Variants in ACE observed in about 807,000 individuals in gnomAD.
ACE encodes angiotensin-converting enzyme.
Under a neutral mutation model 162.3 loss-of-function variants are expected in ACE, and 122 were observed. That is an observed-to-expected ratio of 0.75 (90% CI 0.65 to 0.87). ACE has a LOEUF of 0.87. Among genes scored for constraint, ACE ranks in the 40% least tolerant of loss-of-function variants. ACE has a pLI of 0.00. For missense variants in ACE, 1,799 were observed against 1,735.1 expected (o/e 1.04, Z -0.65); for synonymous variants, 796 against 720.6 (o/e 1.10, Z -1.68).
In ACE at chr17:63,481,587, TTCCGGG is replaced by T; in HGVS notation, c.969_974del (p.Phe323_Val325delinsLeu). ...CCAGGGCTGGAACGCCACGCACATG[TTCCGGG>T]TGGCAGAGGAGTTCTTCACCTCCCT... On this transcript the variant is annotated inframe_deletion, in exon 7 of 25. Transcript: ENST00000290866. The T allele has an allele frequency of 6.2e-7, 1 of 1,613,918 alleles. No individual in the cohort carries two copies. Among genetic ancestry groups the T allele is most frequent in the Non-Finnish European group, 8.5e-7 (1 of 1,180,010 alleles).
In ACE at chr17:63,488,741, A is replaced by G. The variant is rs2030162732; in HGVS notation, c.2399A>G (p.Gln800Arg). ...WRDKAGRAIL[Q>R]FYPKYVELIN... ...GACAAGGCGGGGAGAGCCATCCTCC[A>G]GTTTTACCCGAAATACGTGGAACTC... is the stretch of plus-strand genomic sequence containing the variant. Residue 800 changes from glutamine to arginine, a missense_variant, in exon 16 of 25, where the codon CAG (glutamine) becomes CGG (arginine). Physicochemically the swap from Gln to Arg is conservative, Grantham distance 43. Transcript: ENST00000290866. 2 of 1,613,712 alleles carry G rather than the reference A, an allele frequency of 1.2e-6. No homozygotes were observed. Among genetic ancestry groups the G allele is most frequent in the East Asian group, 4.5e-5 (2 of 44,806 alleles).
chr17:63,484,236 G>T lies in ACE; in HGVS notation c.1710-94G>T, dbSNP rs866328001. The T allele has an allele frequency of 7.7e-5, 108 of 1,406,914 alleles. No homozygotes were observed. The African/African-American group carries it at 1.2e-3, about 16-fold the overall frequency. The allele number at this position is 1,406,914 out of a possible 1,614,324, so 87.2% of individuals were successfully genotyped here. On this transcript the variant is annotated intron_variant, in intron 11 of 24. Coordinates refer to ENST00000290866, the MANE Select transcript of ACE (RefSeq NM_000789.4). This position sits in a 1 kb window ranked among gnomAD's most constrained non-coding sequence, Gnocchi z 4.0. ...TTGCCACAGTTTCTGCAGTCCATTG[G>T]GGGGCGGAAGTGGCCAGGGGCATGT... is the stretch of plus-strand genomic sequence containing the variant.
intron 22 of ACE, chr17:63,496,184 C>A: frequency 1.5e-6 from 1 of 660,840 alleles, no homozygotes; most frequent in Non-Finnish European, 2.6e-6. Flanking sequence ...GGCATCTACA[C>A]AGGCACGGCT....
Position 63,477,132 on chromosome 17 carries a change from TGCTGCCGCTGCC to T in ACE, c.44_55del (p.Pro15_Leu18del). 7.0e-7 allele frequency: 1 copy of T among 1,420,296 alleles called. No homozygotes were observed. Among genetic ancestry groups the T allele is most frequent in the African/African-American group, 1.5e-5 (1 of 66,888 alleles). The allele number at this position is 1,420,296 out of a possible 1,614,324, so 88.0% of individuals were successfully genotyped here. On this transcript the variant is annotated inframe_deletion, in exon 1 of 25. Transcript: ENST00000290866. ...TCGGGCCGCCGGGGGCCGGGGCTGC[TGCTGCCGCTGCC>T]GCTGCTGTTGCTGCTGCCGCCGCAG...
intron 17 of ACE, chr17:63,490,011 C>T (rs2030263729): frequency 6.6e-6 from 1 of 152,420 alleles, no homozygotes; most frequent in Admixed American, 6.5e-5. Context: ...GGCCTTAGAA[C>T]TCAGCCCCTG....
chr17:63,483,567 G>GCGGGGGCGCCCCCCC lies in ACE; in HGVS notation c.1586+10_1586+11insGGGGGCGCCCCCCCC. 1 of 1,589,580 alleles carries GCGGGGGCGCCCCCCC rather than the reference G, an allele frequency of 6.3e-7. No individual in the cohort carries two copies. The highest frequency in any genetic ancestry group is 8.6e-7 in the Non-Finnish European group (1 of 1,165,688). On this transcript the variant is annotated intron_variant, in intron 10 of 24. Transcript: ENST00000290866. Reference sequence around the variant, plus strand: ...GTGACACCATACATCAGGTATTAGCGCCCCCACCCCACCCACCCCCAGTAC... The same window carrying GCGGGGGCGCCCCCCC: ...GTGACACCATACATCAGGTATTAGCGCGGGGGCGCCCCCCCCCCCCACCCCACCCACCCCCAGTAC...
At chr17:63,481,226 GGGGT>G in intron 6 of ACE, 38 bp downstream of exon 6, 2 of 1,404,522 alleles carry the variant, frequency 1.4e-6, no homozygotes, top group African/African-American at 1.4e-5. Flanking sequence ...GTGGGGGTCG[GGGGT>G]GGGGCGCAAA....
Position 63,494,172 on chromosome 17 carries a change from A to G in ACE, c.3281+106A>G, listed in dbSNP as rs1460562483. 10 of 1,439,068 alleles carry G rather than the reference A, an allele frequency of 6.9e-6. No individual in the cohort carries two copies. The East Asian group carries it at 1.9e-4, about 27-fold the overall frequency. 89.1% of individuals were successfully genotyped at this position (1,439,068 alleles called of 1,614,324 possible). On this transcript the variant is annotated intron_variant, in intron 21 of 24. Coordinates refer to ENST00000290866, the MANE Select transcript of ACE (RefSeq NM_000789.4). ...GGTAGGGGAGTGTGTGTGTGTGTGT[A>G]CACTATTGTGTCTGTGCATATGATG...
intron 15 of ACE, among the ~76,000 whole-genome samples, chr17:63,487,660 C>T (rs1288570071): frequency 1.3e-5 from 2 of 152,132 alleles, no homozygotes; most frequent in African/African-American, 4.8e-5. Context: ...GTCCTTCTTA[C>T]CCCGGCCCGT....
chr17:63,490,805 G>A (rs769010049), intron 17 of ACE, 149 bp from the exon 18 acceptor site: 3 of 761,280 alleles, frequency 3.9e-6, no homozygotes, highest in Non-Finnish European at 6.9e-6. Context: ...AAGATGATGT[G>A]TGCCTCAAAG....
Position 63,491,166 on chromosome 17 carries a change from T to C in ACE, c.2740-43T>C, listed in dbSNP as rs201725091. 2 of 1,612,846 alleles carry C rather than the reference T, an allele frequency of 1.2e-6. No homozygotes were observed. The highest frequency in any genetic ancestry group is 2.2e-5 in the East Asian group (1 of 44,854). On this transcript the variant is annotated intron_variant, in intron 18 of 24. Transcript: ENST00000290866. The surrounding 1 kb of genome is among the most constrained non-coding windows in gnomAD (Gnocchi z 4.4). ...GATCCCCACGGCAGCACGCAGTCTG[T>C]CCCCGGAACCCCCAGTTTGGGCAGA...
chr17:63,480,268 G>T, intron 4 of ACE, 69 bp from the exon 5 acceptor site: 2 of 1,559,438 alleles, frequency 1.3e-6, no homozygotes, highest in South Asian at 2.2e-5. Flanking sequence ...TGGAAGAGCC[G>T]ACTTACAGCT....
intron 7 of ACE, among the ~76,000 whole-genome samples, chr17:63,481,962 G>A (rs2049717533): frequency 6.6e-6 from 1 of 152,162 alleles, no homozygotes; most frequent in Non-Finnish European, 1.5e-5. Flanking sequence ...TGGAATGGAG[G>A]AAGAAGGCCC....
At chr17:63,492,506 G>A (rs1364412468) in intron 19 of ACE, among the ~76,000 whole-genome samples, 2 of 152,268 alleles carry the variant, frequency 1.3e-5, no homozygotes, top group Non-Finnish European at 2.9e-5. Flanking sequence ...ACAGGGCTGA[G>A]AGGAGACAGG....
At position 63,494,460 on chromosome 17, in the gene ACE, C is replaced by T; in HGVS notation, c.3370C>T (p.Pro1124Ser). Residue 1124 changes from proline (P) to serine (S), a missense_variant, in exon 22 of 25, where the codon CCT becomes TCT. By Grantham distance (74) the Pro-to-Ser change is moderately conservative. Transcript: ENST00000290866. Reference protein sequence around the residue: ...GAKFHIPSSVPYIRYFVSFII... With the variant: ...GAKFHIPSSVSYIRYFVSFII... ...CAAGTTCCACATTCCTTCTAGCGTG[C>T]CTTACATCAGGTAACGGGAAAGGCA... is the stretch of plus-strand genomic sequence containing the variant. 1 of 1,613,876 alleles carries T rather than the reference C, an allele frequency of 6.2e-7. No homozygotes were observed.
Position 63,481,533 on chromosome 17 carries a change from TC to T in ACE, c.946-28del, listed in dbSNP as rs1338712219. 4 of 1,611,766 alleles carry T rather than the reference TC, an allele frequency of 2.5e-6. No individual in the cohort carries two copies. The South Asian group carries it at 3.3e-5, about 13-fold the overall frequency. ...TGTCCCCAGGCCAGCCAGAGTGGGCTCCCCCTGACCTGGCTCCACACCCCTC... is the reference window on the plus strand; with the variant it reads ...TGTCCCCAGGCCAGCCAGAGTGGGCTCCCCTGACCTGGCTCCACACCCCTC... On this transcript the variant is annotated intron_variant, in intron 6 of 24. Coordinates refer to ENST00000290866, the MANE Select transcript of ACE (RefSeq NM_000789.4).
chr17:63,498,093 A>ACT lies in ACE; in HGVS notation c.*730_*731dup, dbSNP rs4366. 0.52 allele frequency: 80,232 copies of ACT among 154,260 alleles called. 21,172 individuals carry two copies. Among genetic ancestry groups the ACT allele is most frequent in the South Asian group, 0.62 (3,027 of 4,896 alleles). The allele number at this position is 154,260 out of a possible 1,614,324, so 9.6% of individuals were successfully genotyped here. A position where few individuals can be genotyped will look rare whatever the true frequency, so the allele number is the denominator to read the frequency against. On this transcript the variant is annotated 3_prime_UTR_variant, in exon 25 of 25. Coordinates refer to ENST00000290866, the MANE Select transcript of ACE (RefSeq NM_000789.4). ...GGCTCCTGCCTGTACCAGCTCCATG[A>ACT]CTCTGCTCGGGTGAACAGCCTTGGC...
chr17:63,477,136 G>T lies in ACE; in HGVS notation c.42G>T (p.Leu14=), dbSNP rs1477654795. ...GCCGCCGGGGGCCGGGGCTGCTGCT[G>T]CCGCTGCCGCTGCTGTTGCTGCTGC... ...ASGRRGPGLL[L]PLPLLLLLPP... The change falls in exon 1 of 25, where the codon CTG becomes CTT. Residue 14 remains leucine, a synonymous_variant. Coordinates refer to ENST00000290866, the MANE Select transcript of ACE (RefSeq NM_000789.4). 1 of 1,429,620 alleles carries T rather than the reference G, an allele frequency of 7.0e-7. No individual in the cohort carries two copies. The highest frequency in any genetic ancestry group is 3.1e-5 in the East Asian group (1 of 31,982). 88.6% of individuals were successfully genotyped at this position (1,429,620 alleles called of 1,614,324 possible).
At position 63,477,590 on chromosome 17, in the gene ACE, G is replaced by T. The variant is rs1369931320; in HGVS notation, c.249+247G>T. The T allele has an allele frequency of 8.3e-6, 3 of 363,408 alleles. No individual in the cohort carries two copies. The Admixed American group carries it at 1.3e-4, about 16-fold the overall frequency. 22.5% of individuals were successfully genotyped at this position (363,408 alleles called of 1,614,324 possible). A position where few individuals can be genotyped will look rare whatever the true frequency, so the allele number is the denominator to read the frequency against. ...GGCCGCGCCCGCCTTCGCCGAAGGTGCTGGGCTTGGCTCTGGGGCCCCCGC... is the reference window on the plus strand; with the variant it reads ...GGCCGCGCCCGCCTTCGCCGAAGGTTCTGGGCTTGGCTCTGGGGCCCCCGC... On this transcript the variant is annotated intron_variant, in intron 1 of 24. Coordinates refer to ENST00000290866, the MANE Select transcript of ACE (RefSeq NM_000789.4).
Sources: allele counts gnomAD v4.1 joint callset (sites outside exome capture counted in the v4.1 genomes callset), GRCh38; gene constraint gnomAD v4.1.1; non-coding constraint Gnocchi (gnomAD v3.1); transcripts MANE v1.5; gene names NCBI Gene and HGNC (gene_info 2026-07-23, HGNC 2026-07-21).